The following C12orf42 variants were observed in gnomAD, a reference collection of about 807,000 sequenced individuals.
C12orf42 encodes the protein chromosome 12 open reading frame 42.
In C12orf42, 25 loss-of-function variants were observed where a neutral mutation model predicts 21.6. That is an observed-to-expected ratio of 1.16 (90% CI 0.84 to 1.62). The LOEUF is 1.62. C12orf42 is among the 40% of genes most tolerant of loss of function. C12orf42 has a pLI of 0.00. For synonymous variants in C12orf42, 174 were observed against 175.0 expected, an observed-to-expected ratio of 0.99 and a Z score of 0.05; for missense variants, 483 against 459.3, an observed-to-expected ratio of 1.05 and a Z score of -0.47.
At chr12:103,371,250 A>G (rs2045203920) in intron 3 of C12orf42, among the ~76,000 whole-genome samples, 1 of 152,142 alleles carries the variant, frequency 6.6e-6, no homozygotes, top group South Asian at 2.1e-4. Context: ...GCCTCAAACC[A>G]GAAAAAAAGC....
the C12orf42 span, chr12:103,505,051 A>T: frequency 3.3e-6 from 1 of 302,716 alleles, no homozygotes; most frequent in Admixed American, 3.4e-5. Context: ...TGGAGTGGGA[A>T]GTGAGAGACA....
chr12:103,484,550 G>A (rs1593000401), intron 1 of C12orf42, among the ~76,000 whole-genome samples: 1 of 151,998 alleles, frequency 6.6e-6, no homozygotes, highest in East Asian at 1.9e-4. Context: ...GTAGATTCTG[G>A]ATATTAGCCC....
chr12:103,407,669 T>C (rs1469107104), intron 2 of C12orf42, among the ~76,000 whole-genome samples: 2 of 152,182 alleles, frequency 1.3e-5, no homozygotes, highest in Non-Finnish European at 2.9e-5. Context: ...TAGTTAAGTT[T>C]TGGGGGAGTC....
chr12:103,070,465 C>T, the C12orf42 span, among the ~76,000 whole-genome samples: 1 of 151,648 alleles, frequency 6.6e-6, no homozygotes, highest in African/African-American at 2.4e-5. Flanking sequence ...TTTCAAATTC[C>T]AGTTGTTTCA....
At chr12:103,482,404 T>C (rs938196877) in intron 1 of C12orf42, among the ~76,000 whole-genome samples, 5 of 152,176 alleles carry the variant, frequency 3.3e-5, no homozygotes, top group African/African-American at 9.6e-5. Flanking sequence ...ATTTCTGTTG[T>C]AAAGATCGTA....
At chr12:103,051,348 A>G in the C12orf42 span, among the ~76,000 whole-genome samples, 2 of 152,196 alleles carry the variant, frequency 1.3e-5, no homozygotes, top group Non-Finnish European at 2.9e-5. Context: ...AGGAGAGTAT[A>G]TAAGCCTTAA....
At chr12:103,157,287 G>A in the C12orf42 span, among the ~76,000 whole-genome samples, 6 of 152,010 alleles carry the variant, frequency 3.9e-5, no homozygotes, top group Non-Finnish European at 8.8e-5. Flanking sequence ...AGAAGCGTCT[G>A]TTCATATCCT....
At chr12:103,056,191 A>T in the C12orf42 span, among the ~76,000 whole-genome samples, 102 of 152,098 alleles carry the variant, frequency 6.7e-4, no homozygotes, top group African/African-American at 2.3e-3. Context: ...CTTTTATCAG[A>T]TTTTGCTGCT....
chr12:103,290,239 C>T (rs1401747386), intron 4 of C12orf42, among the ~76,000 whole-genome samples: 5 of 152,172 alleles, frequency 3.3e-5, no homozygotes, highest in Admixed American at 6.6e-5. Flanking sequence ...TATAGAAATG[C>T]ACCATTCTAA....
chr12:103,096,709 A>T, the C12orf42 span, among the ~76,000 whole-genome samples: 1 of 152,214 alleles, frequency 6.6e-6, no homozygotes, highest in Non-Finnish European at 1.5e-5. Context: ...TCAAAACATA[A>T]GGAAGCTGAG....
chr12:103,391,114 C>T (rs1328682497), intron 3 of C12orf42, among the ~76,000 whole-genome samples: 3 of 152,124 alleles, frequency 2.0e-5, no homozygotes, highest in African/African-American at 4.8e-5. Flanking sequence ...GGTTCATCCA[C>T]ATTGTATCAA....
chr12:103,544,780 T>C, the C12orf42 span, among the ~76,000 whole-genome samples: 1 of 152,246 alleles, frequency 6.6e-6, no homozygotes, highest in Admixed American at 6.5e-5. Context: ...TCTAATCCAC[T>C]GTTAAATCCA....
intron 4 of C12orf42, among the ~76,000 whole-genome samples, chr12:103,294,592 G>GAA (rs1184180242): frequency 1.3e-4 from 12 of 92,842 alleles, no homozygotes; most frequent in African/African-American, 4.5e-4. Flanking sequence ...AGGAAAGAAA[G>GAA]AAAGAAAGAA....
the C12orf42 span, among the ~76,000 whole-genome samples, chr12:103,515,978 C>T: frequency 1.3e-5 from 2 of 152,130 alleles, no homozygotes; most frequent in African/African-American, 4.8e-5. Context: ...GATGCACGTG[C>T]TGGATTGAGT....
intron 2 of C12orf42, among the ~76,000 whole-genome samples, chr12:103,442,615 T>C (rs1347478034): frequency 6.6e-6 from 1 of 152,168 alleles, no homozygotes; most frequent in Non-Finnish European, 1.5e-5. Flanking sequence ...CATCCTGATA[T>C]ACACTGCATT....
chr12:103,271,301 A>C (rs2035460067), intron 5 of C12orf42, among the ~76,000 whole-genome samples: 2 of 152,332 alleles, frequency 1.3e-5, no homozygotes, highest in South Asian at 4.1e-4. Flanking sequence ...ACTATGAAAT[A>C]ATTGTCTTTG....
At chr12:103,068,882 T>C in the C12orf42 span, among the ~76,000 whole-genome samples, 1 of 138,260 alleles carries the variant, frequency 7.2e-6, no homozygotes, top group African/African-American at 2.7e-5. Context: ...TCTCTATATA[T>C]ATATATAGAT....
the C12orf42 span, among the ~76,000 whole-genome samples, chr12:103,214,217 A>G: frequency 1.3e-5 from 2 of 152,190 alleles, no homozygotes; most frequent in Non-Finnish European, 2.9e-5. Context: ...GCCTTAGAAT[A>G]TTAGCTTTGT....
the C12orf42 span, among the ~76,000 whole-genome samples, chr12:103,555,492 A>G: frequency 0.068 from 10,295 of 152,196 alleles, 389 homozygotes; most frequent in East Asian, 0.12. Context: ...CAGCCAAACC[A>G]TATCAGTAGG....
Sources: allele counts gnomAD v4.1 joint callset (sites outside exome capture counted in the v4.1 genomes callset), GRCh38; gene constraint gnomAD v4.1.1; transcripts MANE v1.5; gene names NCBI Gene and HGNC (gene_info 2026-07-23, HGNC 2026-07-21).